Variants in TMEM178B observed in about 807,000 individuals in gnomAD.
TMEM178B encodes the protein transmembrane protein 178B.
Under a neutral mutation model 31.0 loss-of-function variants are expected in TMEM178B, and 5 were observed. That is an observed-to-expected ratio of 0.16 (90% CI 0.08 to 0.34). TMEM178B has a LOEUF of 0.34. Ranked by LOEUF, TMEM178B falls within the 10% of genes least tolerant of loss-of-function variation. The pLI is 1.00. For synonymous variants in TMEM178B, 164 were observed against 164.0 expected (o/e 1.00, Z 0.00); for missense variants, 275 against 400.3 (o/e 0.69, Z 2.67).
chr7:141,331,984 G>C (rs1310948937), intron 2 of TMEM178B, among the ~76,000 whole-genome samples: 1 of 152,178 alleles, frequency 6.6e-6, no homozygotes, highest in Non-Finnish European at 1.5e-5. Flanking sequence ...TGTGTCCTCT[G>C]GATTGGTTTT....
the TMEM178B span, among the ~76,000 whole-genome samples, chr7:141,487,735 C>T: frequency 5.4e-4 from 65 of 119,456 alleles, no homozygotes; most frequent in Non-Finnish European, 9.0e-4. Context: ...GAGTAAGACT[C>T]CGTCTCAAAA....
chr7:141,346,077 C>T (rs917129378), intron 2 of TMEM178B, among the ~76,000 whole-genome samples: 4 of 151,838 alleles, frequency 2.6e-5, no homozygotes, highest in Non-Finnish European at 4.4e-5. Context: ...AAAAATTAGC[C>T]GGGCGTGGTG....
intron 1 of TMEM178B, among the ~76,000 whole-genome samples, chr7:141,193,335 T>C (rs1045189336): frequency 3.3e-5 from 5 of 152,240 alleles, no homozygotes; most frequent in Non-Finnish European, 7.3e-5. Context: ...TCTGCTCCTG[T>C]GTGCTGGCTT....
At chr7:141,437,782 C>G (rs1801575491) in intron 3 of TMEM178B, 37 bp downstream of exon 3, 1 of 1,535,638 alleles carries the variant, frequency 6.5e-7, no homozygotes, top group African/African-American at 1.4e-5. Context: ...TGGCAGTGGA[C>G]AGGGTCCTGT....
At chr7:141,347,722 G>A (rs971671987) in intron 2 of TMEM178B, among the ~76,000 whole-genome samples, 10 of 151,044 alleles carry the variant, frequency 6.6e-5, no homozygotes, top group South Asian at 2.1e-4. Context: ...CCCACCCCCC[G>A]TCTGCCTTCT....
rs542478627 is a variant in TMEM178B at position 141,239,373 on chromosome 7, A to G, written c.496+26669A>G. Reference sequence around the variant, plus strand: ...AGCCACTGAGCGGCAATGGAGTTGCAGCAAACGTCTCAGTCATTTGGACCT... The same window carrying G: ...AGCCACTGAGCGGCAATGGAGTTGCGGCAAACGTCTCAGTCATTTGGACCT... On this transcript the variant is annotated intron_variant, in intron 2 of 3. Transcript: ENST00000565468. Among the ~76,000 whole-genome samples, 6 of 152,306 alleles carry G rather than the reference A, an allele frequency of 3.9e-5. No homozygotes were observed. In the East Asian group the frequency reaches 1.2e-3, roughly 29 times the overall value.
At chr7:141,289,354 G>C (rs570639737) in intron 2 of TMEM178B, among the ~76,000 whole-genome samples, 1 of 152,260 alleles carries the variant, frequency 6.6e-6, no homozygotes, top group Admixed American at 6.5e-5. Context: ...GCTCAGTTCG[G>C]TGCCTGGCAT....
chr7:141,212,912 AGAAAGAACCAACC>A (rs1797072445), intron 2 of TMEM178B: 1 of 514,434 alleles, frequency 1.9e-6, no homozygotes, highest in Non-Finnish European at 3.4e-6. Flanking sequence ...CTAAAATTAA[AGAAAGAACCAACC>A]GTCAAAACTT....
chr7:141,098,001 A>G (rs1211700241), intron 1 of TMEM178B, among the ~76,000 whole-genome samples: 1 of 151,944 alleles, frequency 6.6e-6, no homozygotes, highest in African/African-American at 2.4e-5. Context: ...CATGTTGCCC[A>G]GGCTGGTCTC....
intron 1 of TMEM178B, among the ~76,000 whole-genome samples, chr7:141,212,141 G>A (rs1373543293): frequency 6.6e-6 from 1 of 152,122 alleles, no homozygotes; most frequent in Non-Finnish European, 1.5e-5. Context: ...AGGATGGGAG[G>A]ATGGAGGCCC....
intron 2 of TMEM178B, among the ~76,000 whole-genome samples, chr7:141,421,544 A>G (rs1002063249): frequency 6.6e-6 from 1 of 152,222 alleles, no homozygotes; most frequent in Non-Finnish European, 1.5e-5. Context: ...TTGGAGTCAG[A>G]CCAAGATTCT....
chr7:141,438,732 C>T (rs1164714780), intron 3 of TMEM178B, among the ~76,000 whole-genome samples: 5 of 79,976 alleles, frequency 6.3e-5, no homozygotes, highest in Admixed American at 2.5e-4. Flanking sequence ...AAAAATTAGC[C>T]AGGCATGGTA....
chr7:141,414,421 A>C (rs1404376165), intron 2 of TMEM178B: 1 of 152,460 alleles, frequency 6.6e-6, no homozygotes, highest in Non-Finnish European at 1.5e-5. Flanking sequence ...ATAGCTCATA[A>C]TGTGAGTATA....
At chr7:141,348,343 G>A (rs1799655168) in intron 2 of TMEM178B, among the ~76,000 whole-genome samples, 1 of 152,222 alleles carries the variant, frequency 6.6e-6, no homozygotes, top group Non-Finnish European at 1.5e-5. Context: ...CATCCAACGT[G>A]TAATTCAGAT....
intron 2 of TMEM178B, among the ~76,000 whole-genome samples, chr7:141,423,805 G>GTTTTTTTT (rs5888005): frequency 2.8e-5 from 3 of 108,798 alleles, no homozygotes; most frequent in African/African-American, 3.5e-5. Flanking sequence ...TGACATTTGT[G>GTTTTTTTT]TTTTTTTTTT....
intron 2 of TMEM178B, among the ~76,000 whole-genome samples, chr7:141,233,948 T>G (rs1436139530): frequency 6.6e-6 from 1 of 152,206 alleles, no homozygotes; most frequent in East Asian, 1.9e-4. Context: ...GACTACTGAT[T>G]TAAAGATTAT....
chr7:141,336,464 G>T (rs770449712), intron 2 of TMEM178B, among the ~76,000 whole-genome samples: 1 of 151,996 alleles, frequency 6.6e-6, no homozygotes, highest in Admixed American at 6.5e-5. Context: ...CATGGCCTTG[G>T]TCATTCACTT....
chr7:141,147,288 G>A (rs1795869031), intron 1 of TMEM178B, among the ~76,000 whole-genome samples: 2 of 151,970 alleles, frequency 1.3e-5, no homozygotes. Flanking sequence ...GTGCATTTGG[G>A]GTAGTGGAAG....
At chr7:141,140,042 A>G (rs377029420) in intron 1 of TMEM178B, among the ~76,000 whole-genome samples, 1 of 152,326 alleles carries the variant, frequency 6.6e-6, no homozygotes. Flanking sequence ...CTGGGATTAC[A>G]GGCACGAGCC....
Sources: gnomAD v4.1 joint callset for allele counts (sites outside exome capture counted in the v4.1 genomes callset) on GRCh38, gnomAD v4.1.1 for gene constraint, MANE v1.5 for transcripts, NCBI Gene and HGNC (gene_info 2026-07-23, HGNC 2026-07-21) for gene names.